NEMP2: variants seen among roughly 807,000 people sequenced by gnomAD.
The protein encoded by NEMP2 is UPF0571 transmembrane protein.
NEMP2 carries 53 observed loss-of-function variants against 54.2 expected under a neutral mutation model. That is an observed-to-expected ratio of 0.98 (90% confidence interval 0.78 to 1.23). The LOEUF is 1.23. Ranked by LOEUF, NEMP2 falls within the 50% of genes most tolerant of loss-of-function variation. The pLI is 0.00. For missense variants in NEMP2, 455 were observed against 511.3 expected (o/e 0.89, Z 1.06); for synonymous variants, 197 against 190.3 (o/e 1.04, Z -0.29).
At chr2:190,458,912 A>G in the NEMP2 span, among the ~76,000 whole-genome samples, 1 of 152,228 alleles carries the variant, frequency 6.6e-6, no homozygotes, top group African/African-American at 2.4e-5. This position sits in a 1 kb window ranked among gnomAD's most constrained non-coding sequence, Gnocchi z 5.3. Context: ...AGGCAGCTCT[A>G]GGATCAAGTT....
the NEMP2 span, chr2:190,465,025 A>G: frequency 8.6e-6 from 5 of 584,168 alleles, no homozygotes; most frequent in Non-Finnish European, 1.1e-5. The surrounding 1 kb of genome is among the most constrained non-coding windows in gnomAD (Gnocchi z 4.6). Flanking sequence ...CATTGTATCT[A>G]TATCTTGAAC....
chr2:190,514,332 G>T lies in NEMP2; in HGVS notation c.953+121C>A. 1.0e-6 allele frequency: 1 copy of T among 994,588 alleles called. No homozygotes were observed. The highest frequency in any genetic ancestry group is 1.5e-6 in the Non-Finnish European group (1 of 663,032). 61.6% of individuals were successfully genotyped at this position (994,588 alleles called of 1,614,324 possible). On this transcript the variant is annotated intron_variant, in intron 7 of 8. Coordinates refer to ENST00000409150, the MANE Select transcript of NEMP2 (RefSeq NM_001142645.2). The surrounding 1 kb of genome is among the most constrained non-coding windows in gnomAD (Gnocchi z 5.7). ...ACCCCTACACCCCCAATCTTGCTCAGAATGAAATCTCCAGATCAAATGTAA... is the reference window on the plus strand; with the variant it reads ...ACCCCTACACCCCCAATCTTGCTCATAATGAAATCTCCAGATCAAATGTAA...
chr2:190,568,321 T>G, the NEMP2 span, among the ~76,000 whole-genome samples: 1 of 152,298 alleles, frequency 6.6e-6, no homozygotes, highest in South Asian at 2.1e-4. This position sits in a 1 kb window ranked among gnomAD's most constrained non-coding sequence, Gnocchi z 4.7. Context: ...TGTAGAATAC[T>G]TTATGAATCA....
rs868490213 is a variant in NEMP2 at position 190,530,659 on chromosome 2, G to C, written c.97+3900C>G. On this transcript the variant is annotated intron_variant, in intron 1 of 8. Coordinates refer to ENST00000409150, the MANE Select transcript of NEMP2 (RefSeq NM_001142645.2). The surrounding 1 kb of genome is among the most constrained non-coding windows in gnomAD (Gnocchi z 4.6). Reference sequence around the variant, plus strand: ...AATCTTCTTCTAGAGCCATTTCACTGCTCGGTTTCAATCATGTCCAATGGA... The same window carrying C: ...AATCTTCTTCTAGAGCCATTTCACTCCTCGGTTTCAATCATGTCCAATGGA... Among the ~76,000 whole-genome samples the C allele has an allele frequency of 2.6e-5, 4 of 152,122 alleles. No homozygotes were observed. The South Asian group carries it at 6.2e-4, about 24-fold the overall frequency.
chr2:190,606,115 A>C, the NEMP2 span, among the ~76,000 whole-genome samples: 98 of 152,364 alleles, frequency 6.4e-4, no homozygotes, highest in African/African-American at 2.3e-3. Flanking sequence ...CTCACAGTTA[A>C]GCTAAGGCCG....
At chr2:190,516,451 CAAAT>C (rs1169628154) in intron 5 of NEMP2, 67 bp from the exon 6 acceptor site, 10 of 1,183,170 alleles carry the variant, frequency 8.5e-6, no homozygotes, top group East Asian at 2.6e-5. Flanking sequence ...TAAAAGCAAA[CAAAT>C]AAACCTTTTG....
chr2:190,532,627 T>G (rs1432776157), intron 1 of NEMP2, among the ~76,000 whole-genome samples: 1 of 152,228 alleles, frequency 6.6e-6, no homozygotes, highest in Non-Finnish European at 1.5e-5. Context: ...CTGAATGTTC[T>G]CCATTCCATT....
chr2:190,591,039 C>T, the NEMP2 span, among the ~76,000 whole-genome samples: 1 of 152,128 alleles, frequency 6.6e-6, no homozygotes, highest in Non-Finnish European at 1.5e-5. This position sits in a 1 kb window ranked among gnomAD's most constrained non-coding sequence, Gnocchi z 5.4. Context: ...AACTTTGTGA[C>T]ATATGCTCTT....
At chr2:190,618,952 GT>G in the NEMP2 span, among the ~76,000 whole-genome samples, 2 of 152,136 alleles carry the variant, frequency 1.3e-5, no homozygotes, top group Non-Finnish European at 2.9e-5. Flanking sequence ...TTTTAAAATT[GT>G]TTTTTTAAAC....
the NEMP2 span, among the ~76,000 whole-genome samples, chr2:190,596,908 A>T: frequency 6.6e-6 from 1 of 152,190 alleles, no homozygotes; most frequent in African/African-American, 2.4e-5. The surrounding 1 kb of genome is among the most constrained non-coding windows in gnomAD (Gnocchi z 5.1). Context: ...GCATCAAGTC[A>T]CTAAGCATAA....
the NEMP2 span, among the ~76,000 whole-genome samples, chr2:190,486,432 G>A: frequency 0.041 from 6,303 of 152,268 alleles, 199 homozygotes; most frequent in Non-Finnish European, 0.054. Flanking sequence ...ATTCTGCCCT[G>A]GAACTCTAGC....
the NEMP2 span, among the ~76,000 whole-genome samples, chr2:190,614,703 T>C: frequency 1.3e-5 from 2 of 151,850 alleles, no homozygotes; most frequent in Non-Finnish European, 2.9e-5. This position sits in a 1 kb window ranked among gnomAD's most constrained non-coding sequence, Gnocchi z 5.7. Flanking sequence ...CAAGGGGGAG[T>C]GCATTTAGGC....
chr2:190,578,607 T>C, the NEMP2 span, among the ~76,000 whole-genome samples: 1 of 152,108 alleles, frequency 6.6e-6, no homozygotes, highest in Non-Finnish European at 1.5e-5. This position sits in a 1 kb window ranked among gnomAD's most constrained non-coding sequence, Gnocchi z 4.4. Context: ...ACTGAGGGCA[T>C]GAGACAGAAA....
chr2:190,489,534 A>G, the NEMP2 span, among the ~76,000 whole-genome samples: 2 of 152,252 alleles, frequency 1.3e-5, no homozygotes, highest in South Asian at 2.1e-4. This position sits in a 1 kb window ranked among gnomAD's most constrained non-coding sequence, Gnocchi z 6.6. Flanking sequence ...AGATAATCCT[A>G]TATAAATGCA....
At chr2:190,636,882 T>A in the NEMP2 span, among the ~76,000 whole-genome samples, 5 of 152,178 alleles carry the variant, frequency 3.3e-5, no homozygotes, top group Admixed American at 2.0e-4. Flanking sequence ...AACTTCTTCC[T>A]CCCCCTTTAT....
the NEMP2 span, among the ~76,000 whole-genome samples, chr2:190,601,355 G>A: frequency 6.6e-6 from 1 of 152,150 alleles, no homozygotes; most frequent in Non-Finnish European, 1.5e-5. The surrounding 1 kb of genome is among the most constrained non-coding windows in gnomAD (Gnocchi z 5.8). Context: ...CCAGAGCTAT[G>A]AGACCATAGC....
the NEMP2 span, among the ~76,000 whole-genome samples, chr2:190,581,090 C>A: frequency 6.6e-6 from 1 of 152,150 alleles, no homozygotes; most frequent in Non-Finnish European, 1.5e-5. Flanking sequence ...AGCTCACCAG[C>A]AGTGTTGTCC....
At chr2:190,459,364 T>A in the NEMP2 span, among the ~76,000 whole-genome samples, 1 of 152,218 alleles carries the variant, frequency 6.6e-6, no homozygotes, top group African/African-American at 2.4e-5. This position sits in a 1 kb window ranked among gnomAD's most constrained non-coding sequence, Gnocchi z 5.3. Context: ...GAGGCCTTTT[T>A]AAAATTAACG....
the NEMP2 span, among the ~76,000 whole-genome samples, chr2:190,602,719 G>A: frequency 9.8e-5 from 15 of 152,324 alleles, no homozygotes; most frequent in African/African-American, 3.4e-4. Context: ...TGTGGCCAAG[G>A]GAGTGCAGTT....
Sources: gnomAD v4.1 joint callset for allele counts (sites outside exome capture counted in the v4.1 genomes callset) on GRCh38, gnomAD v4.1.1 for gene constraint, Gnocchi (gnomAD v3.1) non-coding constraint, MANE v1.5 for transcripts, NCBI Gene and HGNC (gene_info 2026-07-23, HGNC 2026-07-21) for gene names.